GRM7: variants seen among roughly 807,000 people sequenced by gnomAD.
The protein encoded by GRM7 is glutamate metabotropic receptor 7, also known as metabotropic glutamate receptor 7.
A neutral mutation model predicts 84.5 loss-of-function variants in GRM7; 35 were observed. That is an observed-to-expected ratio of 0.41 (90% CI 0.32 to 0.55). GRM7 has a LOEUF of 0.55. Among genes scored for constraint, GRM7 ranks in the 20% least tolerant of loss-of-function variants. The probability of loss-of-function intolerance (pLI) is 0.19; values close to 1 mark genes in which losing one functional copy is unlikely to be tolerated. For synonymous variants in GRM7, 487 were observed against 455.1 expected, an observed-to-expected ratio of 1.07 and a Z score of -0.89; for missense variants, 1,003 against 1,194.6, an observed-to-expected ratio of 0.84 and a Z score of 2.36.
intron 1 of GRM7, among the ~76,000 whole-genome samples, chr3:6,897,812 G>A (rs1325702927): frequency 6.6e-6 from 1 of 152,232 alleles, no homozygotes; most frequent in Non-Finnish European, 1.5e-5. Flanking sequence ...GGGAAACAGA[G>A]ATAGTGTAGC....
intron 4 of GRM7, among the ~76,000 whole-genome samples, chr3:7,314,593 TA>T (rs978050395): frequency 7.9e-5 from 12 of 152,154 alleles, no homozygotes; most frequent in African/African-American, 2.7e-4. Flanking sequence ...TATACAATAA[TA>T]GGGGTGGTAA....
rs1307906035 is a variant in GRM7, at chr3:7,734,847, A to C, written c.2699-5510A>C. On this transcript the variant is annotated intron_variant, in intron 9 of 9. Coordinates refer to ENST00000357716, the MANE Select transcript of GRM7 (RefSeq NM_000844.4). ...CTAAACTGAGTAGTAAATTTAAAAA[A>C]GGATTTAAGAGAGATCATTATAAAA... 2.0e-5 allele frequency among the ~76,000 whole-genome samples: 3 copies of C among 152,348 alleles called. No homozygotes were observed. In the East Asian group the frequency reaches 5.8e-4, roughly 29 times the overall value.
chr3:7,150,329 CA>C (rs1694246011), intron 2 of GRM7, among the ~76,000 whole-genome samples: 1 of 152,110 alleles, frequency 6.6e-6, no homozygotes, highest in South Asian at 2.1e-4. Flanking sequence ...AAAGCATCTC[CA>C]CCATGCTCAC....
intron 1 of GRM7, among the ~76,000 whole-genome samples, chr3:7,048,228 C>G (rs1477512660): frequency 6.6e-6 from 1 of 151,964 alleles, no homozygotes; most frequent in Admixed American, 6.6e-5. Flanking sequence ...CCAAGCATAA[C>G]TGAGTCATGG....
intron 2 of GRM7, among the ~76,000 whole-genome samples, chr3:7,230,129 G>A (rs564207042): frequency 2.0e-5 from 3 of 151,818 alleles, no homozygotes; most frequent in South Asian, 2.1e-4. Context: ...ATGAGCCACC[G>A]CGCCTGGCCT....
At chr3:7,048,820 T>A (rs1229937622) in intron 1 of GRM7, among the ~76,000 whole-genome samples, 1 of 151,962 alleles carries the variant, frequency 6.6e-6, no homozygotes, top group Non-Finnish European at 1.5e-5. Flanking sequence ...TCTCTTGAAC[T>A]TATTCTTCCT....
At chr3:7,277,923 G>A (rs1438766352) in intron 2 of GRM7, among the ~76,000 whole-genome samples, 1 of 152,044 alleles carries the variant, frequency 6.6e-6, no homozygotes, top group Non-Finnish European at 1.5e-5. Context: ...ATGAGACTAA[G>A]TAATAATTGA....
At chr3:7,229,406 T>C (rs922180029) in intron 2 of GRM7, among the ~76,000 whole-genome samples, 3 of 151,854 alleles carry the variant, frequency 2.0e-5, no homozygotes, top group Non-Finnish European at 4.4e-5. Context: ...ATGAGGCAGA[T>C]AGAGTTAAGT....
chr3:6,920,832 T>C (rs1411047894), intron 1 of GRM7, among the ~76,000 whole-genome samples: 3 of 152,146 alleles, frequency 2.0e-5, no homozygotes, highest in African/African-American at 4.8e-5. Context: ...TTGTATTTCA[T>C]ATATTATTTC....
intron 7 of GRM7, among the ~76,000 whole-genome samples, chr3:7,566,375 T>G (rs1427575146): frequency 6.6e-6 from 1 of 152,180 alleles, no homozygotes; most frequent in Non-Finnish European, 1.5e-5. Flanking sequence ...TTGAAATAAA[T>G]TTAAAATAAC....
intron 1 of GRM7, among the ~76,000 whole-genome samples, chr3:7,062,414 T>C (rs1697462423): frequency 6.6e-6 from 1 of 151,706 alleles, no homozygotes; most frequent in South Asian, 2.1e-4. Flanking sequence ...AGGGGGAGTT[T>C]CATTCCAGGA....
chr3:7,088,443 G>C (rs6443082), intron 1 of GRM7, among the ~76,000 whole-genome samples: 85,741 of 151,218 alleles, frequency 0.57, 26,373 homozygotes, highest in African/African-American at 0.83. Context: ...TTTTAAATGA[G>C]AAAAATAGTG....
chr3:7,298,770 C>G lies in GRM7; in HGVS notation c.823C>G (p.Leu275Val). The change falls in exon 3 of 10, where the codon CTG becomes GTG. Residue 275 changes from leucine (L) to valine (V), a missense_variant. By Grantham distance (32) the Leu-to-Val change is conservative (BLOSUM62 1). Coordinates refer to ENST00000357716, the MANE Select transcript of GRM7 (RefSeq NM_000844.4). ...CTTTGATAGAATTATCAAACAGCTCCTGGACACCCCCAACTCCAGGGCCGT... is the reference window on the plus strand; with the variant it reads ...CTTTGATAGAATTATCAAACAGCTCGTGGACACCCCCAACTCCAGGGCCGT... ...IDFDRIIKQLLDTPNSRAVVI... is the reference protein window; with the variant it reads ...IDFDRIIKQLVDTPNSRAVVI... 6 of 1,613,706 alleles carry G rather than the reference C, an allele frequency of 3.7e-6. No homozygotes were observed. Among genetic ancestry groups the G allele is most frequent in the Non-Finnish European group, 5.1e-6 (6 of 1,179,704 alleles).
intron 1 of GRM7, among the ~76,000 whole-genome samples, chr3:6,980,127 C>T (rs1404784435): frequency 6.6e-6 from 1 of 152,088 alleles, no homozygotes; most frequent in Non-Finnish European, 1.5e-5. Flanking sequence ...TCCTTCCTTT[C>T]TGCCTTCCAT....
intron 4 of GRM7, among the ~76,000 whole-genome samples, chr3:7,387,149 T>G (rs958191679): frequency 6.6e-6 from 1 of 152,208 alleles, no homozygotes; most frequent in Middle Eastern, 3.2e-3. Context: ...GTTTTTTTCT[T>G]GTTGATTTAT....
chr3:7,027,478 C>A (rs999996529), intron 1 of GRM7, among the ~76,000 whole-genome samples: 1 of 152,104 alleles, frequency 6.6e-6, no homozygotes, highest in Non-Finnish European at 1.5e-5. Flanking sequence ...ATCCAACGAG[C>A]TTACTCATTT....
At chr3:6,971,806 T>A (rs1032188541) in intron 1 of GRM7, among the ~76,000 whole-genome samples, 1 of 152,192 alleles carries the variant, frequency 6.6e-6, no homozygotes, top group African/African-American at 2.4e-5. Flanking sequence ...GAAAGTCACA[T>A]TGAATAAAAT....
chr3:7,655,671 A>T (rs1223590886), intron 8 of GRM7, among the ~76,000 whole-genome samples: 1 of 151,960 alleles, frequency 6.6e-6, no homozygotes, highest in Non-Finnish European at 1.5e-5. Context: ...CCTTACTACC[A>T]CCTTCACATA....
chr3:7,191,853 G>C (rs1654525489), intron 2 of GRM7, among the ~76,000 whole-genome samples: 1 of 151,862 alleles, frequency 6.6e-6, no homozygotes, highest in Admixed American at 6.6e-5. Flanking sequence ...AACTATACAT[G>C]CACAAATAAA....
Sources: allele counts gnomAD v4.1 joint callset (sites outside exome capture counted in the v4.1 genomes callset), GRCh38; gene constraint gnomAD v4.1.1; transcripts MANE v1.5; gene names NCBI Gene and HGNC (gene_info 2026-07-23, HGNC 2026-07-21).